The following PTPRS variants were observed in gnomAD, a reference collection of about 807,000 sequenced individuals.
PTPRS encodes protein tyrosine phosphatase receptor type S.
Under a neutral mutation model 215.3 loss-of-function variants are expected in PTPRS, and 63 were observed. That is an observed-to-expected ratio of 0.29 (90% CI 0.24 to 0.36). The LOEUF (loss-of-function observed/expected upper bound fraction) is 0.36. Among genes scored for constraint, PTPRS ranks in the 10% least tolerant of loss-of-function variants. PTPRS has a pLI of 1.00. For missense variants in PTPRS, 2,258 were observed against 2,825.8 expected (o/e 0.80, Z 4.56); for synonymous variants, 1,404 against 1,191.4 (o/e 1.18, Z -3.68).
rs1007431824 is a variant in PTPRS at position 5,245,682 on chromosome 19, G to A, written c.988+94C>T. Reference sequence around the variant, plus strand: ...ATGACTGAAGCCAAGAGGGTAACTCGGAGGTGCTCCCACGCTGCCTCCCAC... The same window carrying A: ...ATGACTGAAGCCAAGAGGGTAACTCAGAGGTGCTCCCACGCTGCCTCCCAC... On this transcript the variant is annotated intron_variant, in intron 10 of 37. Coordinates refer to ENST00000262963, the MANE Select transcript of PTPRS (RefSeq NM_002850.4). 6.1e-6 allele frequency: 9 copies of A among 1,470,320 alleles called. 1 individual carries two copies. The South Asian group carries it at 1.3e-4, about 21-fold the overall frequency. The allele number at this position is 1,470,320 out of a possible 1,614,324, so 91.1% of individuals were successfully genotyped here. A position where few individuals can be genotyped will look rare whatever the true frequency, so the allele number is the denominator to read the frequency against.
Position 5,231,623 on chromosome 19 carries a change from A to G in PTPRS, c.1850-8T>C. 2.0e-5 allele frequency: 3 copies of G among 148,512 alleles called. No homozygotes were observed. The highest frequency in any genetic ancestry group is 4.5e-4 in the South Asian group (2 of 4,402). 9.2% of individuals were successfully genotyped at this position (148,512 alleles called of 1,614,324 possible). On this transcript the variant is annotated splice_region_variant and splice_polypyrimidine_tract_variant and intron_variant, in intron 13 of 37. Transcript: ENST00000262963. ...GAGGGGGGGCTGACGGTTCTATTGG[A>G]GGGGGGGAGAACGTGGGGGGGTGGG... is the stretch of plus-strand genomic sequence containing the variant.
At chr19:5,333,639 G>T (rs2050400880) in intron 1 of PTPRS, among the ~76,000 whole-genome samples, 1 of 151,904 alleles carries the variant, frequency 6.6e-6, no homozygotes, top group African/African-American at 2.4e-5. Context: ...AGCAGCAGGT[G>T]CCACTCTCAG....
In PTPRS at chr19:5,220,350, G is replaced by A. The variant is rs2041868371; in HGVS notation, c.3459C>T (p.Ser1153=). The part of the protein sequence containing the change: ...PDGQSPVPVQ[S]YFIVMVPLRK... ...GCAGTGGCACCATCACAATGAAATA[G>A]CTCCTGTAGGGAGATGGGAAAGAGT... is the stretch of plus-strand genomic sequence containing the variant. Residue 1153 remains serine, a synonymous_variant, in exon 21 of 38, where the codon AGC becomes AGT. Coordinates refer to ENST00000262963, the MANE Select transcript of PTPRS (RefSeq NM_002850.4). 6.2e-7 allele frequency: 1 copy of A among 1,612,984 alleles called. No homozygotes were observed. Among genetic ancestry groups the A allele is most frequent in the Non-Finnish European group, 8.5e-7 (1 of 1,179,362 alleles).
chr19:5,284,941 C>T (rs1420782608), intron 2 of PTPRS, among the ~76,000 whole-genome samples: 2 of 152,070 alleles, frequency 1.3e-5, no homozygotes, highest in Non-Finnish European at 2.9e-5. Context: ...GAGTGAGACC[C>T]CATCTCAAAA....
chr19:5,265,366 G>A (rs2046325272), intron 4 of PTPRS, among the ~76,000 whole-genome samples, 170 bp from the exon 5 acceptor site: 1 of 152,120 alleles, frequency 6.6e-6, no homozygotes, highest in African/African-American at 2.4e-5. Flanking sequence ...TTTTGAGACA[G>A]GGTCTTGCTC....
Position 5,212,449 on chromosome 19 carries a change from T to C in PTPRS, c.4657A>G (p.Thr1553Ala). 6.2e-7 allele frequency: 1 copy of C among 1,601,108 alleles called. No individual in the cohort carries two copies. Among genetic ancestry groups the C allele is most frequent in the Non-Finnish European group, 8.5e-7 (1 of 1,173,792 alleles). Residue 1553 changes from threonine (T) to alanine (A), a missense_variant, in exon 31 of 38, where the codon ACG (threonine) becomes GCG (alanine). Thr to Ala is a moderately conservative substitution (Grantham distance 58). This residue lies in a region of PTPRS where 927 missense variants were observed against 1,125.9 expected (regional missense o/e 0.82). Transcript: ENST00000262963. The part of the protein sequence containing the change: ...EKREVRQFQF[T>A]AWPDHGVPEY... ...GGCACGCCATGGTCCGGCCACGCCG[T>C]AAACTGGAACTGGCGGACCTCGCGT...
intron 1 of PTPRS, among the ~76,000 whole-genome samples, chr19:5,312,677 AAAAAT>A (rs1296578191): frequency 2.6e-5 from 4 of 152,202 alleles, no homozygotes; most frequent in South Asian, 2.1e-4. Context: ...AATTAAAAAT[AAAAAT>A]AAAATAATAG....
chr19:5,328,942 G>C (rs2050242082), intron 1 of PTPRS, among the ~76,000 whole-genome samples: 1 of 152,178 alleles, frequency 6.6e-6, no homozygotes, highest in East Asian at 1.9e-4. Context: ...TTACCTGCCT[G>C]ATCAAGGTCA....
chr19:5,213,999 T>C (rs1189431789), intron 30 of PTPRS, among the ~76,000 whole-genome samples: 1 of 152,228 alleles, frequency 6.6e-6, no homozygotes, highest in African/African-American at 2.4e-5. Flanking sequence ...GGAGACTCCT[T>C]GAAGGCAGGG....
At chr19:5,222,063 C>T in intron 19 of PTPRS, 60 bp downstream of exon 19, 1 of 1,413,884 alleles carries the variant, frequency 7.1e-7, no homozygotes, top group Non-Finnish European at 1.0e-6. Flanking sequence ...GCCTTAAGCC[C>T]TGCTGAACTA....
chr19:5,292,598 C>T (rs978197475), intron 1 of PTPRS: 1 of 152,486 alleles, frequency 6.6e-6, no homozygotes, highest in Admixed American at 6.5e-5. Flanking sequence ...TTAAAGCCCC[C>T]CAACAAAGCA....
intron 17 of PTPRS, among the ~76,000 whole-genome samples, chr19:5,225,300 G>C (rs1051265621): frequency 3.3e-5 from 5 of 152,060 alleles, no homozygotes; most frequent in Admixed American, 6.6e-5. Context: ...AGGAGACTAG[G>C]GGGCCCAGAA....
rs1272097244 is a variant in PTPRS, at chr19:5,287,963, GGCAC to G, written c.-94-1733_-94-1730del. Among the ~76,000 whole-genome samples, 2 of 86,524 alleles carry G rather than the reference GGCAC, an allele frequency of 2.3e-5. No individual in the cohort carries two copies. Among genetic ancestry groups the G allele is most frequent in the Non-Finnish European group, 2.2e-5 (1 of 45,374 alleles). 56.8% of individuals were successfully genotyped at this position (86,524 alleles called of 152,430 possible). On this transcript the variant is annotated intron_variant, in intron 1 of 37. Transcript: ENST00000262963. The surrounding 1 kb of genome is among the most constrained non-coding windows in gnomAD (Gnocchi z 4.8). ...TTCACACAGTCAGGCAGCAGAGACG[GGCAC>G]ACACACACACACACACACACACACA...
At chr19:5,317,111 A>G (rs945317111) in intron 1 of PTPRS, among the ~76,000 whole-genome samples, 1 of 152,122 alleles carries the variant, frequency 6.6e-6, no homozygotes, top group Non-Finnish European at 1.5e-5. Flanking sequence ...AGGAAGAACC[A>G]CTCTACCCAA....
chr19:5,277,059 T>TC (rs570288971), intron 2 of PTPRS, among the ~76,000 whole-genome samples: 16 of 32,814 alleles, frequency 4.9e-4, no homozygotes, highest in African/African-American at 2.7e-3. Context: ...AGTTTTGTGT[T>TC]TTTTTTTTTT....
rs764635172 is a variant in PTPRS, at chr19:5,211,556, T to C, written c.5234+34A>G. The stretch of plus-strand genomic sequence containing the variant: ...CTTGAGAGTAGAGATGGGCTCCTTC[T>C]GGGGCCCTGAGGTGGGAAAGGCATG... On this transcript the variant is annotated intron_variant, in intron 33 of 37. Coordinates refer to ENST00000262963, the MANE Select transcript of PTPRS (RefSeq NM_002850.4). 9.4e-6 allele frequency: 15 copies of C among 1,587,898 alleles called. No individual in the cohort carries two copies. In the East Asian group the frequency reaches 3.4e-4, roughly 36 times the overall value.
rs1243423848 is a variant in PTPRS, at chr19:5,294,751, TCTCCA to T, written c.-94-8522_-94-8518del. ...TGGAGCATGGAATCGCCCCGCCCCA[TCTCCA>T]ACAATAGGTGGCCTAGTCCACAAAG... On this transcript the variant is annotated intron_variant, in intron 1 of 37. Transcript: ENST00000262963. This position sits in a 1 kb window ranked among gnomAD's most constrained non-coding sequence, Gnocchi z 5.1. The T allele has an allele frequency of 6.6e-6, 1 of 152,070 alleles. No individual in the cohort carries two copies. Among genetic ancestry groups the T allele is most frequent in the African/African-American group, 2.4e-5 (1 of 41,376 alleles). The allele number at this position is 152,070 out of a possible 1,614,324, so 9.4% of individuals were successfully genotyped here.
At chr19:5,280,393 G>C (rs942750141) in intron 2 of PTPRS, among the ~76,000 whole-genome samples, 1 of 152,156 alleles carries the variant, frequency 6.6e-6, no homozygotes, top group Non-Finnish European at 1.5e-5. Flanking sequence ...TGATATGACC[G>C]TATGTGTGTG....
chr19:5,235,281 C>T (rs996080247), intron 13 of PTPRS, among the ~76,000 whole-genome samples: 1 of 151,938 alleles, frequency 6.6e-6, no homozygotes. Context: ...TGCCAAGCAT[C>T]GTGCTAAGGG....
Sources: allele counts gnomAD v4.1 joint callset (sites outside exome capture counted in the v4.1 genomes callset), GRCh38; gene constraint gnomAD v4.1.1; regional missense constraint gnomAD v4.1.1; non-coding constraint Gnocchi (gnomAD v3.1); transcripts MANE v1.5; gene names NCBI Gene and HGNC (gene_info 2026-07-23, HGNC 2026-07-21).